Variants in TMTC2 observed in about 807,000 individuals in gnomAD.
TMTC2 encodes transmembrane O-mannosyltransferase targeting cadherins 2, also known as protein O-mannosyl-transferase TMTC2.
A neutral mutation model predicts 82.4 loss-of-function variants in TMTC2; 43 were observed. The observed-to-expected ratio is 0.52, with a 90% CI of 0.41 to 0.67. TMTC2 has a LOEUF of 0.67. TMTC2 is among the 30% of genes least tolerant of loss of function. The probability of loss-of-function intolerance (pLI) is 0.00; values close to 1 mark genes in which losing one functional copy is unlikely to be tolerated. For synonymous variants in TMTC2, 408 were observed against 381.9 expected (o/e 1.07, Z -0.80); for missense variants, 919 against 1,012.4 (o/e 0.91, Z 1.25).
intron 8 of TMTC2, among the ~76,000 whole-genome samples, chr12:83,000,842 G>T (rs892952886): frequency 1.3e-5 from 2 of 152,178 alleles, no homozygotes; most frequent in African/African-American, 4.8e-5. Context: ...AAATCTAGGT[G>T]GAGGTTCCCA....
chr12:82,836,254 C>T (rs1222137673), intron 1 of TMTC2, among the ~76,000 whole-genome samples: 2 of 152,200 alleles, frequency 1.3e-5, no homozygotes, highest in East Asian at 3.8e-4. Context: ...AAGATATCCA[C>T]ATCCTTATCC....
intron 8 of TMTC2, among the ~76,000 whole-genome samples, chr12:83,004,736 T>TTTTA: frequency 1.4e-5 from 1 of 69,990 alleles, no homozygotes; most frequent in Non-Finnish European, 2.6e-5. Context: ...TTTTTTTTTT[T>TTTTA]TTTTTTTTTT....
chr12:82,826,096 A>C (rs1349338018), intron 1 of TMTC2, among the ~76,000 whole-genome samples: 7 of 152,268 alleles, frequency 4.6e-5, no homozygotes, highest in African/African-American at 1.7e-4. Context: ...TTTTTAAAAA[A>C]GAATATTTAA....
chr12:82,979,098 T>C (rs1878808998), intron 7 of TMTC2, among the ~76,000 whole-genome samples: 1 of 151,782 alleles, frequency 6.6e-6, no homozygotes, highest in African/African-American at 2.4e-5. Flanking sequence ...GTGTTTCTTG[T>C]ATGCAACAGA....
intron 11 of TMTC2, among the ~76,000 whole-genome samples, chr12:83,067,035 A>G (rs1050373144): frequency 7.2e-5 from 11 of 152,000 alleles, no homozygotes; most frequent in African/African-American, 2.7e-4. Context: ...GGGAATATAC[A>G]AAAGAGAAGA....
chr12:82,720,939 C>G lies in TMTC2; in HGVS notation c.83+33270C>G, dbSNP rs746456923. 1.5e-4 allele frequency among the ~76,000 whole-genome samples: 23 copies of G among 152,252 alleles called. 1 individual carries two copies. The highest frequency in any genetic ancestry group is 2.1e-4 in the South Asian group (1 of 4,828). ...ACATTTTATTTGGGTCTAGAAAACTCAGCAAAGAATGATGTCACAGATGTT... is the reference window on the plus strand; with the variant it reads ...ACATTTTATTTGGGTCTAGAAAACTGAGCAAAGAATGATGTCACAGATGTT... On this transcript the variant is annotated intron_variant, in intron 1 of 11. Transcript: ENST00000321196.
chr12:83,122,278 C>T (rs1284494712), intron 11 of TMTC2, among the ~76,000 whole-genome samples: 1 of 151,492 alleles, frequency 6.6e-6, no homozygotes, highest in Non-Finnish European at 1.5e-5. Flanking sequence ...CGCTTTCCTT[C>T]TTCCCCCGCC....
At chr12:82,736,959 G>A (rs1258961364) in intron 1 of TMTC2, among the ~76,000 whole-genome samples, 1 of 152,036 alleles carries the variant, frequency 6.6e-6, no homozygotes, top group East Asian at 1.9e-4. Flanking sequence ...ATAAACTAAT[G>A]TACCCATGAT....
At chr12:83,106,360 G>A (rs527783647) in intron 11 of TMTC2, among the ~76,000 whole-genome samples, 15 of 152,096 alleles carry the variant, frequency 9.9e-5, no homozygotes, top group Admixed American at 6.6e-4. Context: ...TTGGCTGGGC[G>A]TGGTGGTGCA....
Position 83,030,871 on chromosome 12 carries a change from T to C in TMTC2, c.2144T>C (p.Met715Thr), listed in dbSNP as rs1184405368. 1 of 1,612,172 alleles carries C rather than the reference T, an allele frequency of 6.2e-7. No individual in the cohort carries two copies. The highest frequency in any genetic ancestry group is 1.1e-5 in the South Asian group (1 of 91,022). ...GATCCCACCAAAGGAAACTGTTACA[T>C]GCATTATGGTGAGTGGTTGATAGTT... Reference protein sequence around the residue: ...ELDPTKGNCYMHYGQFLLEEA... With the variant: ...ELDPTKGNCYTHYGQFLLEEA... The change falls in exon 9 of 12, where the codon ATG becomes ACG. Residue 715 changes from methionine (M) to threonine (T), a missense_variant. Transcript: ENST00000321196.
chr12:82,898,711 G>T (rs183341294), intron 3 of TMTC2, among the ~76,000 whole-genome samples: 20 of 152,274 alleles, frequency 1.3e-4, no homozygotes, highest in Admixed American at 7.2e-4. Flanking sequence ...AAGGGCAAAT[G>T]GTGGGTGTAC....
At chr12:83,046,968 T>C (rs1236351419) in intron 9 of TMTC2, among the ~76,000 whole-genome samples, 1 of 152,228 alleles carries the variant, frequency 6.6e-6, no homozygotes, top group African/African-American at 2.4e-5. Flanking sequence ...AATCCTAACA[T>C]TGTTGGAAAC....
At chr12:83,085,805 T>C (rs548052138) in intron 11 of TMTC2, among the ~76,000 whole-genome samples, 1 of 152,234 alleles carries the variant, frequency 6.6e-6, no homozygotes, top group Non-Finnish European at 1.5e-5. Context: ...TTTTCTATAA[T>C]TTTCTTGCTT....
intron 4 of TMTC2, among the ~76,000 whole-genome samples, chr12:82,937,914 T>TA (rs1189025020): frequency 3.3e-4 from 11 of 32,938 alleles, no homozygotes; most frequent in East Asian, 6.6e-3. Flanking sequence ...AAACCTTTTT[T>TA]TTTTTTTATT....
intron 1 of TMTC2, among the ~76,000 whole-genome samples, chr12:82,762,791 CAA>C (rs1876723660): frequency 6.6e-6 from 1 of 151,482 alleles, no homozygotes; most frequent in Non-Finnish European, 1.5e-5. Flanking sequence ...CTTATAAAAA[CAA>C]ATTAATGAAT....
chr12:82,784,203 C>T (rs765828785), intron 1 of TMTC2, among the ~76,000 whole-genome samples: 1 of 151,746 alleles, frequency 6.6e-6, no homozygotes, highest in African/African-American at 2.4e-5. Flanking sequence ...AATGGAAACC[C>T]GAATAATGTG....
chr12:82,778,656 C>T lies in TMTC2; in HGVS notation c.84-78354C>T, dbSNP rs945886444. 1.5e-4 allele frequency among the ~76,000 whole-genome samples: 22 copies of T among 151,720 alleles called. No homozygotes were observed. The East Asian group carries it at 1.6e-3, about 11-fold the overall frequency. On this transcript the variant is annotated intron_variant, in intron 1 of 11. Coordinates refer to ENST00000321196, the MANE Select transcript of TMTC2 (RefSeq NM_152588.3). The stretch of plus-strand genomic sequence containing the variant: ...CCAGGTCAGGAGATCGAGACCATCC[C>T]GGCTAAAACGGTGAAACCCCGTCTC...
intron 3 of TMTC2, among the ~76,000 whole-genome samples, chr12:82,922,916 T>C (rs1875478731): frequency 6.6e-6 from 1 of 152,184 alleles, no homozygotes; most frequent in Non-Finnish European, 1.5e-5. Context: ...GATGGACATA[T>C]TGTTCCTACC....
At chr12:82,829,234 A>G (rs1592556213) in intron 1 of TMTC2, among the ~76,000 whole-genome samples, 1 of 152,344 alleles carries the variant, frequency 6.6e-6, no homozygotes, top group Non-Finnish European at 1.5e-5. Context: ...ACAAAAATTT[A>G]TAATTGGAAC....
Sources: allele counts gnomAD v4.1 joint callset (sites outside exome capture counted in the v4.1 genomes callset), GRCh38; gene constraint gnomAD v4.1.1; transcripts MANE v1.5; gene names NCBI Gene and HGNC (gene_info 2026-07-23, HGNC 2026-07-21).